CACNG3: variants seen among roughly 807,000 people sequenced by gnomAD.
CACNG3 encodes the protein calcium voltage-gated channel auxiliary subunit gamma 3.
A neutral mutation model predicts 28.5 loss-of-function variants in CACNG3; 3 were observed. The observed-to-expected ratio is 0.11, with a 90% confidence interval of 0.05 to 0.27. The LOEUF (loss-of-function observed/expected upper bound fraction) is 0.27. CACNG3 is among the 10% of genes least tolerant of loss of function. CACNG3 has a pLI of 1.00. For missense variants in CACNG3, 236 were observed against 414.4 expected (o/e 0.57, Z 3.74); for synonymous variants, 174 against 162.2 (o/e 1.07, Z -0.55).
intron 1 of CACNG3, among the ~76,000 whole-genome samples, chr16:24,282,465 T>C (rs1308093445): frequency 6.6e-6 from 1 of 151,930 alleles, no homozygotes; most frequent in Non-Finnish European, 1.5e-5. Flanking sequence ...TTAGTAGAGA[T>C]GGGGTTTCAC....
chr16:24,274,186 C>CG (rs1898724303), intron 1 of CACNG3, among the ~76,000 whole-genome samples: 1 of 103,536 alleles, frequency 9.7e-6, no homozygotes, highest in African/African-American at 3.8e-5. Flanking sequence ...GACTCCATCT[C>CG]AAAAAAAAAA....
intron 2 of CACNG3, among the ~76,000 whole-genome samples, chr16:24,352,635 C>T (rs1324743681): frequency 6.6e-6 from 1 of 151,772 alleles, no homozygotes; most frequent in East Asian, 1.9e-4. Context: ...GCCTCCTGGG[C>T]TTAAGTGATC....
intron 3 of CACNG3, among the ~76,000 whole-genome samples, chr16:24,356,110 C>T (rs528365462): frequency 1.2e-3 from 189 of 152,250 alleles, no homozygotes; most frequent in African/African-American, 4.5e-3. Flanking sequence ...CCATCTCTTC[C>T]TACCCCACTC....
chr16:24,290,251 G>A (rs1233922118), intron 1 of CACNG3, among the ~76,000 whole-genome samples: 1 of 152,130 alleles, frequency 6.6e-6, no homozygotes, highest in African/African-American at 2.4e-5. Context: ...TACAAAATAA[G>A]ACAAAATAGG....
chr16:24,315,142 A>T (rs1272429754), intron 1 of CACNG3, among the ~76,000 whole-genome samples: 1 of 152,088 alleles, frequency 6.6e-6, no homozygotes, highest in Non-Finnish European at 1.5e-5. Flanking sequence ...GCCTCTCAGA[A>T]TTATTTTTGG....
intron 1 of CACNG3, among the ~76,000 whole-genome samples, chr16:24,260,129 T>C (rs1215489630): frequency 6.6e-6 from 1 of 152,208 alleles, no homozygotes; most frequent in East Asian, 1.9e-4. Flanking sequence ...CCTCCTTGAG[T>C]GACATGATCA....
chr16:24,275,642 G>T (rs1011276397), intron 1 of CACNG3, among the ~76,000 whole-genome samples: 1 of 152,200 alleles, frequency 6.6e-6, no homozygotes, highest in Non-Finnish European at 1.5e-5. Context: ...TCTCAAAAAT[G>T]AGCTAAGTGA....
chr16:24,326,040 C>T (rs1253454508), intron 1 of CACNG3, among the ~76,000 whole-genome samples: 1 of 152,208 alleles, frequency 6.6e-6, no homozygotes. Flanking sequence ...ATTCTGAAAT[C>T]TCTGCCTTGA....
chr16:24,313,943 C>G (rs538186289), intron 1 of CACNG3, among the ~76,000 whole-genome samples: 1 of 151,784 alleles, frequency 6.6e-6, no homozygotes, highest in Admixed American at 6.6e-5. Context: ...CAGGATATCG[C>G]CATGTTGGCC....
chr16:24,359,796 G>A (rs1173001376), intron 3 of CACNG3, among the ~76,000 whole-genome samples: 1 of 152,176 alleles, frequency 6.6e-6, no homozygotes, highest in African/African-American at 2.4e-5. Flanking sequence ...CCAGGAGGTT[G>A]AGGTTACAAT....
chr16:24,278,565 G>A (rs770728398), intron 1 of CACNG3, among the ~76,000 whole-genome samples: 6 of 152,050 alleles, frequency 3.9e-5, no homozygotes, highest in South Asian at 4.2e-4. Flanking sequence ...GCAGTGAGCC[G>A]AGATTGCACC....
chr16:24,306,357 G>A (rs911061420), intron 1 of CACNG3, among the ~76,000 whole-genome samples: 2 of 152,240 alleles, frequency 1.3e-5, no homozygotes, highest in African/African-American at 2.4e-5. Context: ...CTGAACGGTG[G>A]CTTCAGGAGC....
chr16:24,338,215 C>CT (rs1008380081), intron 1 of CACNG3, among the ~76,000 whole-genome samples: 2 of 152,130 alleles, frequency 1.3e-5, no homozygotes, highest in Non-Finnish European at 2.9e-5. Context: ...GGCTCCTTCT[C>CT]TTTTTTCAGG....
At chr16:24,312,400 C>T (rs1321740225) in intron 1 of CACNG3, among the ~76,000 whole-genome samples, 2 of 152,138 alleles carry the variant, frequency 1.3e-5, no homozygotes, top group East Asian at 3.9e-4. Context: ...CTAGCTCTGT[C>T]ACTTGTTAGC....
chr16:24,322,400 C>T (rs2141370375), intron 1 of CACNG3, among the ~76,000 whole-genome samples: 1 of 152,182 alleles, frequency 6.6e-6, no homozygotes, highest in East Asian at 1.9e-4. Flanking sequence ...GGATGCTTCA[C>T]AGCCACAGTT....
chr16:24,282,969 A>C (rs1300216921), intron 1 of CACNG3, among the ~76,000 whole-genome samples: 1 of 152,058 alleles, frequency 6.6e-6, no homozygotes, highest in Non-Finnish European at 1.5e-5. Flanking sequence ...CCTGGGTTCA[A>C]GCAATTCTCC....
chr16:24,326,361 G>A (rs1988473), intron 1 of CACNG3, among the ~76,000 whole-genome samples: 22,202 of 151,966 alleles, frequency 0.15, 2,020 homozygotes, highest in East Asian at 0.31. Context: ...AGTAGAGACA[G>A]GGTTTCTCCA....
intron 1 of CACNG3, among the ~76,000 whole-genome samples, chr16:24,295,081 C>T (rs1366999762): frequency 6.6e-6 from 1 of 152,130 alleles, no homozygotes; most frequent in African/African-American, 2.4e-5. Flanking sequence ...AGGAGGGTCC[C>T]TCAGAGACCA....
chr16:24,259,840 C>T (rs915723414), intron 1 of CACNG3, among the ~76,000 whole-genome samples: 2 of 152,198 alleles, frequency 1.3e-5, no homozygotes, highest in African/African-American at 4.8e-5. Flanking sequence ...AAGCAAACTA[C>T]ATCGTTTCCC....
Sources: allele counts gnomAD v4.1 joint callset (sites outside exome capture counted in the v4.1 genomes callset), GRCh38; gene constraint gnomAD v4.1.1; transcripts MANE v1.5; gene names NCBI Gene and HGNC (gene_info 2026-07-23, HGNC 2026-07-21).